SRPK2: variants seen among roughly 807,000 people sequenced by gnomAD.
SRPK2 encodes the protein SRSF protein kinase 2.
Under a neutral mutation model 90.8 loss-of-function variants are expected in SRPK2, and 21 were observed. That is an observed-to-expected ratio of 0.23 (90% CI 0.16 to 0.33). The LOEUF is 0.33. Ranked by LOEUF, SRPK2 falls within the 10% of genes least tolerant of loss-of-function variation. The pLI is 1.00. For missense variants in SRPK2, 620 were observed against 869.0 expected (o/e 0.71, Z 3.60); for synonymous variants, 288 against 311.1 (o/e 0.93, Z 0.78).
intron 2 of SRPK2, among the ~76,000 whole-genome samples, chr7:105,378,467 CAT>C (rs1490483084): frequency 2.6e-5 from 4 of 151,996 alleles, no homozygotes; most frequent in African/African-American, 4.8e-5. Context: ...GACCAAGAAA[CAT>C]ATGAAAAGAT....
rs1554512429 is a variant in SRPK2 at position 105,331,337 on chromosome 7, A to AAAAAAC, written c.71+57310_71+57311insGTTTTT. Among the ~76,000 whole-genome samples, 242 of 141,898 alleles carry AAAAAAC rather than the reference A, an allele frequency of 1.7e-3. 6 individuals are homozygous for AAAAAAC. Among genetic ancestry groups the AAAAAAC allele is most frequent in the Non-Finnish European group, 2.8e-3 (182 of 65,358 alleles). The allele number at this position is 141,898 out of a possible 152,430, so 93.1% of individuals were successfully genotyped here. On this transcript the variant is annotated intron_variant, in intron 2 of 15. Coordinates refer to ENST00000393651, the MANE Select transcript of SRPK2 (RefSeq NM_182692.3). Reference sequence around the variant, plus strand: ...AAAAAAAAAAAAAAAAAAAAAAAAAACAAATAGTTATTACACAATTAATCT... The same window carrying AAAAAAC: ...AAAAAAAAAAAAAAAAAAAAAAAAAAAAAAACCAAATAGTTATTACACAATTAATCT...
At chr7:105,251,338 G>A (rs1802451751) in intron 2 of SRPK2, among the ~76,000 whole-genome samples, 1 of 152,102 alleles carries the variant, frequency 6.6e-6, no homozygotes, top group Non-Finnish European at 1.5e-5. Context: ...AATTATAACT[G>A]ATGAATACTC....
At chr7:105,360,346 T>G (rs1341257952) in intron 2 of SRPK2, among the ~76,000 whole-genome samples, 1 of 152,252 alleles carries the variant, frequency 6.6e-6, no homozygotes, top group African/African-American at 2.4e-5. Context: ...TTTGCCAGTC[T>G]GTGTCTTTTA....
chr7:105,253,982 A>G (rs1220736048), intron 2 of SRPK2, among the ~76,000 whole-genome samples: 2 of 152,204 alleles, frequency 1.3e-5, no homozygotes, highest in Non-Finnish European at 2.9e-5. Context: ...CTTGAATCAC[A>G]TAACTTCTTG....
chr7:105,308,320 G>C (rs1474865955), intron 2 of SRPK2, among the ~76,000 whole-genome samples: 1 of 152,162 alleles, frequency 6.6e-6, no homozygotes, highest in African/African-American at 2.4e-5. Context: ...GCATTGAAAA[G>C]ATTATGTTCT....
chr7:105,329,552 C>A (rs1814021783), intron 2 of SRPK2, among the ~76,000 whole-genome samples: 1 of 150,964 alleles, frequency 6.6e-6, no homozygotes, highest in Non-Finnish European at 1.5e-5. Context: ...CGAGATCGCA[C>A]CACCGCACTC....
chr7:105,194,977 CA>C (rs145442903), intron 3 of SRPK2, among the ~76,000 whole-genome samples: 4 of 152,104 alleles, frequency 2.6e-5, no homozygotes, highest in Non-Finnish European at 5.9e-5. Context: ...AAGTATATTT[CA>C]AAAAAACACC....
chr7:105,360,497 G>C (rs1186293414), intron 2 of SRPK2, among the ~76,000 whole-genome samples: 1 of 152,126 alleles, frequency 6.6e-6, no homozygotes, highest in Admixed American at 6.6e-5. Flanking sequence ...TTTTTTTGCA[G>C]TGGCTAGTAC....
chr7:105,219,787 T>C (rs1200443109), intron 2 of SRPK2, among the ~76,000 whole-genome samples: 1 of 152,280 alleles, frequency 6.6e-6, no homozygotes, highest in Non-Finnish European at 1.5e-5. Context: ...TACTCAAATT[T>C]GCAGTATTTA....
intron 2 of SRPK2, among the ~76,000 whole-genome samples, chr7:105,256,977 C>A (rs953193938): frequency 6.6e-6 from 1 of 152,226 alleles, no homozygotes; most frequent in East Asian, 1.9e-4. Flanking sequence ...GTGCCAAAAG[C>A]TACTCACTGT....
At chr7:105,334,737 G>A (rs1814860093) in intron 2 of SRPK2, among the ~76,000 whole-genome samples, 1 of 150,390 alleles carries the variant, frequency 6.6e-6, no homozygotes, top group Admixed American at 6.6e-5. Context: ...CTACTCAGGA[G>A]GCTGAGGCGG....
chr7:105,396,692 GAGA>G (rs1822331361), intron 1 of SRPK2, among the ~76,000 whole-genome samples: 1 of 146,624 alleles, frequency 6.8e-6, no homozygotes, highest in Non-Finnish European at 1.5e-5. Context: ...ATAGTAGGAG[GAGA>G]AGGAGGAGGA....
chr7:105,341,381 AGG>A (rs869259287), intron 2 of SRPK2, among the ~76,000 whole-genome samples: 11 of 45,012 alleles, frequency 2.4e-4, no homozygotes, highest in South Asian at 8.7e-4. Flanking sequence ...AAAAAAAAAA[AGG>A]GGGAATGTGG....
chr7:105,230,869 T>C (rs1466597127), intron 2 of SRPK2, among the ~76,000 whole-genome samples: 3 of 152,240 alleles, frequency 2.0e-5, no homozygotes, highest in African/African-American at 4.8e-5. Context: ...TCAAAAATCA[T>C]TGTTTATGAC....
At chr7:105,168,641 A>G (rs1310920752) in intron 4 of SRPK2, among the ~76,000 whole-genome samples, 1 of 151,878 alleles carries the variant, frequency 6.6e-6, no homozygotes, top group East Asian at 1.9e-4. Context: ...ATAAGACTAG[A>G]TAAACATCAG....
intron 3 of SRPK2, among the ~76,000 whole-genome samples, chr7:105,181,285 A>T (rs1445830039): frequency 1.3e-5 from 2 of 152,224 alleles, no homozygotes. Context: ...AAATTAGTTC[A>T]GCCATTGTGG....
intron 2 of SRPK2, among the ~76,000 whole-genome samples, chr7:105,378,206 T>C (rs1013784766): frequency 6.6e-6 from 1 of 152,034 alleles, no homozygotes; most frequent in Non-Finnish European, 1.5e-5. Context: ...CTTATTTTAC[T>C]TGGAGAATTA....
chr7:105,290,965 G>A (rs1808902285), intron 2 of SRPK2, among the ~76,000 whole-genome samples: 3 of 148,988 alleles, frequency 2.0e-5, no homozygotes, highest in African/African-American at 7.5e-5. Flanking sequence ...GTGAACCCGG[G>A]AAGCGGAGCT....
At chr7:105,350,670 A>G (rs560973330) in intron 2 of SRPK2, among the ~76,000 whole-genome samples, 1 of 151,908 alleles carries the variant, frequency 6.6e-6, no homozygotes, top group Middle Eastern at 3.4e-3. Context: ...AACTACAGGC[A>G]TACGCCAACA....
Sources: allele counts gnomAD v4.1 joint callset (sites outside exome capture counted in the v4.1 genomes callset), GRCh38; gene constraint gnomAD v4.1.1; transcripts MANE v1.5; gene names NCBI Gene and HGNC (gene_info 2026-07-23, HGNC 2026-07-21).